The following ARHGEF10L variants were observed in gnomAD, a reference collection of about 807,000 sequenced individuals.
ARHGEF10L encodes Rho guanine nucleotide exchange factor 10 like, also known as rho guanine nucleotide exchange factor 10-like protein.
In ARHGEF10L, 69 loss-of-function variants were observed where a neutral mutation model predicts 141.2. The observed-to-expected ratio is 0.49, with a 90% CI of 0.40 to 0.60. The LOEUF (loss-of-function observed/expected upper bound fraction) is 0.60, where lower values mean the gene tolerates loss of function less well. ARHGEF10L is among the 20% of genes least tolerant of loss of function. The pLI, the probability that ARHGEF10L is intolerant of heterozygous loss-of-function variation, is 0.00. For synonymous variants in ARHGEF10L, 711 were observed against 718.5 expected (o/e 0.99, Z 0.17); for missense variants, 1,482 against 1,734.3 (o/e 0.85, Z 2.58).
In ARHGEF10L at chr1:17,603,591, G is replaced by T; in HGVS notation, c.433G>T (p.Gly145Trp). 6.2e-7 allele frequency: 1 copy of T among 1,611,378 alleles called. No individual in the cohort carries two copies. The highest frequency in any genetic ancestry group is 8.5e-7 in the Non-Finnish European group (1 of 1,178,732). ...PCESPDAHQP[G>W]AERNLLYEDA... ...CGAGAGCCCAGATGCGCATCAGCCCGGTATGATGTCTGCAGTGCTTCCCTG... is the reference window on the plus strand; with the variant it reads ...CGAGAGCCCAGATGCGCATCAGCCCTGTATGATGTCTGCAGTGCTTCCCTG... Residue 145 changes from glycine (G) to tryptophan (W), a missense_variant and splice_region_variant, in exon 6 of 29, where the codon GGG (glycine) becomes TGG (tryptophan). This residue lies in a region of ARHGEF10L where 232 missense variants were observed against 225.9 expected (regional missense o/e 1.03). Transcript: ENST00000361221. The surrounding 1 kb of genome is among the most constrained non-coding windows in gnomAD (Gnocchi z 4.8).
At chr1:17,651,892 C>T (rs2061958309) in intron 22 of ARHGEF10L, among the ~76,000 whole-genome samples, 1 of 152,300 alleles carries the variant, frequency 6.6e-6, no homozygotes, top group African/African-American at 2.4e-5. Context: ...CCTACCCCAC[C>T]CCACCACCAG....
intron 1 of ARHGEF10L, among the ~76,000 whole-genome samples, chr1:17,563,432 C>A (rs1194014569): frequency 6.6e-6 from 1 of 151,914 alleles, no homozygotes; most frequent in Non-Finnish European, 1.5e-5. Flanking sequence ...ATGGGGTTTC[C>A]CCATGTTGCC....
rs751963834 is a variant in ARHGEF10L, at chr1:17,654,700, C to G, written c.2459C>G (p.Ser820Cys). 6.2e-6 allele frequency: 10 copies of G among 1,614,066 alleles called. No homozygotes were observed. Among genetic ancestry groups the G allele is most frequent in the Non-Finnish European group, 6.8e-6 (8 of 1,180,040 alleles). The change falls in exon 23 of 29, where the codon TCC (serine) becomes TGC (cysteine). Residue 820 changes from serine to cysteine, a missense_variant. By Grantham distance (112) the Ser-to-Cys change is moderately radical (BLOSUM62 -1). Around this residue, in one of 3 missense-constraint regions of ARHGEF10L, gnomAD observed 858 missense variants for 966.3 expected, o/e 0.89. Transcript: ENST00000361221. This position sits in a 1 kb window ranked among gnomAD's most constrained non-coding sequence, Gnocchi z 4.3. ...CTGGGTTTCTCAGCAGTCAGCACCT[C>G]CCTTCCACAGGGCTACCTCTGGGTG... is the stretch of plus-strand genomic sequence containing the variant. ...PLLGFSAVST[S>C]LPQGYLWVGG...
At chr1:17,617,997 C>A (rs1427911996) in intron 9 of ARHGEF10L, among the ~76,000 whole-genome samples, 1 of 152,122 alleles carries the variant, frequency 6.6e-6, no homozygotes, top group African/African-American at 2.4e-5. Context: ...ATGGGTTGAG[C>A]CCCACCCGTG....
At position 17,588,365 on chromosome 1, in the gene ARHGEF10L, C is replaced by T. The variant is rs1454731336; in HGVS notation, c.224-81C>T. 2.0e-6 allele frequency: 3 copies of T among 1,530,868 alleles called. No homozygotes were observed. The Admixed American group carries it at 5.1e-5, about 26-fold the overall frequency. The allele number at this position is 1,530,868 out of a possible 1,614,324, so 94.8% of individuals were successfully genotyped here. A position where few individuals can be genotyped will look rare whatever the true frequency, so the allele number is the denominator to read the frequency against. On this transcript the variant is annotated intron_variant, in intron 3 of 28. Coordinates refer to ENST00000361221, the MANE Select transcript of ARHGEF10L (RefSeq NM_018125.4). ...CCTGTCTGCGGCGCCCCTGGGGAGG[C>T]TGGGAAAGGGGCGGGGAAGGCCTGA...
intron 1 of ARHGEF10L, among the ~76,000 whole-genome samples, chr1:17,541,158 C>T (rs1184880050): frequency 1.3e-5 from 2 of 152,222 alleles, no homozygotes; most frequent in African/African-American, 4.8e-5. Context: ...CCCCCTGTCC[C>T]TTCCCCTTCC....
At chr1:17,580,724 C>CCTT in intron 2 of ARHGEF10L, 92 bp downstream of exon 2, 3 of 1,510,792 alleles carry the variant, frequency 2.0e-6, no homozygotes, top group Non-Finnish European at 1.8e-6. Context: ...AGCAGCATGG[C>CCTT]GCCGGGTGGG....
rs1295524454 is a variant in ARHGEF10L, at chr1:17,621,030, C to T, written c.943-834C>T. Among the ~76,000 whole-genome samples the T allele has an allele frequency of 1.3e-5, 2 of 152,102 alleles. No individual in the cohort carries two copies. Among genetic ancestry groups the T allele is most frequent in the Non-Finnish European group, 2.9e-5 (2 of 68,016 alleles). ...GCTGCAGCTGAGGGGTTGTGATCCA[C>T]TCCGTGGGCCAGGCTTCTGGAGGGT... is the stretch of plus-strand genomic sequence containing the variant. On this transcript the variant is annotated intron_variant, in intron 10 of 28. Coordinates refer to ENST00000361221, the MANE Select transcript of ARHGEF10L (RefSeq NM_018125.4). The surrounding 1 kb of genome is among the most constrained non-coding windows in gnomAD (Gnocchi z 4.1).
chr1:17,589,517 C>T (rs1012382703), intron 4 of ARHGEF10L, among the ~76,000 whole-genome samples: 9 of 152,298 alleles, frequency 5.9e-5, no homozygotes, highest in African/African-American at 2.2e-4. Context: ...GTGGTGTCAC[C>T]CAACGGGAGG....
the ARHGEF10L span, among the ~76,000 whole-genome samples, chr1:17,520,727 G>A: frequency 6.6e-6 from 1 of 152,204 alleles, no homozygotes; most frequent in Non-Finnish European, 1.5e-5. Context: ...GAGTGAGAAC[G>A]GCAGAGGTGG....
intron 21 of ARHGEF10L, among the ~76,000 whole-genome samples, chr1:17,640,976 A>G (rs1173872258): frequency 6.6e-6 from 1 of 152,144 alleles, no homozygotes; most frequent in Non-Finnish European, 1.5e-5. Context: ...TTTTCCATTG[A>G]GGATTCTGAG....
rs761655161 is a variant in ARHGEF10L at position 17,571,252 on chromosome 1, G to T, written c.-43-9301G>T. The stretch of plus-strand genomic sequence containing the variant: ...GAGACGTGAAAGAAGGGAGCAGCTG[G>T]CAGGTCAGGCAGAATGGGGACCGAG... On this transcript the variant is annotated intron_variant, in intron 1 of 28. Transcript: ENST00000361221. Among the ~76,000 whole-genome samples, 59 of 152,244 alleles carry T rather than the reference G, an allele frequency of 3.9e-4. 1 individual carries two copies. The highest frequency in any genetic ancestry group is 6.8e-3 in the Middle Eastern group (2 of 294).
intron 27 of ARHGEF10L, among the ~76,000 whole-genome samples, chr1:17,690,566 A>G (rs1030835966): frequency 6.6e-6 from 1 of 152,224 alleles, no homozygotes; most frequent in Admixed American, 6.5e-5. Flanking sequence ...GTGCAGACAG[A>G]GGTGACCGCT....
chr1:17,677,286 C>T (rs1395289914), intron 26 of ARHGEF10L, among the ~76,000 whole-genome samples: 1 of 151,986 alleles, frequency 6.6e-6, no homozygotes, highest in Admixed American at 6.5e-5. Context: ...CTGACTGCAC[C>T]TGCTCACCTG....
chr1:17,525,574 G>A, the ARHGEF10L span, among the ~76,000 whole-genome samples: 6 of 152,168 alleles, frequency 3.9e-5, no homozygotes, highest in East Asian at 1.2e-3. Context: ...TGGAAGGATC[G>A]CCTGAGTCCA....
chr1:17,610,523 C>G (rs188532580), intron 7 of ARHGEF10L, among the ~76,000 whole-genome samples: 2 of 152,202 alleles, frequency 1.3e-5, no homozygotes, highest in Non-Finnish European at 2.9e-5. Context: ...CAGGAGGTTG[C>G]GGAGGGCTTT....
At chr1:17,600,237 C>G (rs549209193) in intron 4 of ARHGEF10L, among the ~76,000 whole-genome samples, 2 of 152,320 alleles carry the variant, frequency 1.3e-5, no homozygotes, top group East Asian at 3.9e-4. Context: ...GATCCCTCCT[C>G]GCAGCCTCCT....
At chr1:17,579,808 A>T (rs372252325) in intron 1 of ARHGEF10L, among the ~76,000 whole-genome samples, 8 of 152,144 alleles carry the variant, frequency 5.3e-5, no homozygotes, top group African/African-American at 1.7e-4. Context: ...GACAGTAGGG[A>T]GCGGGGGCAG....
chr1:17,610,966 A>G (rs1182272905), intron 7 of ARHGEF10L, among the ~76,000 whole-genome samples: 1 of 149,856 alleles, frequency 6.7e-6, no homozygotes, highest in Non-Finnish European at 1.5e-5. Context: ...TTTTTTTTCC[A>G]GTTGTGGGAT....
Sources: allele counts gnomAD v4.1 joint callset (sites outside exome capture counted in the v4.1 genomes callset), GRCh38; gene constraint gnomAD v4.1.1; regional missense constraint gnomAD v4.1.1; non-coding constraint Gnocchi (gnomAD v3.1); transcripts MANE v1.5; gene names NCBI Gene and HGNC (gene_info 2026-07-23, HGNC 2026-07-21).